Variants in SOX5 observed in about 807,000 individuals in gnomAD.
SOX5 encodes the protein transcription factor SOX-5.
Under a neutral mutation model 92.0 loss-of-function variants are expected in SOX5, and 9 were observed. The ratio of observed to expected loss-of-function variants is 0.10; its 90% CI spans 0.06 to 0.17. The LOEUF (loss-of-function observed/expected upper bound fraction) is 0.17. Among genes scored for constraint, SOX5 ranks in the 10% least tolerant of loss-of-function variants. The probability of loss-of-function intolerance (pLI) is 1.00; values close to 1 mark genes in which losing one functional copy is unlikely to be tolerated. For missense variants in SOX5, 642 were observed against 944.5 expected, an observed-to-expected ratio of 0.68 and a Z score of 4.20; for synonymous variants, 344 against 336.3, an observed-to-expected ratio of 1.02 and a Z score of -0.25.
rs73282003 is a variant in SOX5 at position 23,694,113 on chromosome 12, C to T, written c.811-28549G>A. ...TTTGCTCCCATGATTATGTTTGAGA[C>T]GTCTATTTTTAGTCTACTTGTGAGA... On this transcript the variant is annotated intron_variant, in intron 6 of 14. Coordinates refer to ENST00000451604, the MANE Select transcript of SOX5 (RefSeq NM_006940.6). Among the ~76,000 whole-genome samples, 193 of 152,204 alleles carry T rather than the reference C, an allele frequency of 1.3e-3. 1 individual carries two copies. Among genetic ancestry groups the T allele is most frequent in the African/African-American group, 4.0e-3 (166 of 41,540 alleles).
chr12:23,654,920 G>A (rs886655136), intron 7 of SOX5, among the ~76,000 whole-genome samples: 2 of 151,988 alleles, frequency 1.3e-5, no homozygotes, highest in Non-Finnish European at 2.9e-5. Flanking sequence ...TAAGGTAATT[G>A]TTAGTTCTTA....
chr12:23,603,948 C>T (rs922492816), intron 9 of SOX5: 3 of 158,208 alleles, frequency 1.9e-5, no homozygotes, highest in African/African-American at 7.2e-5. Context: ...TTTCAGTTTT[C>T]CCTTCTCTGG....
intron 3 of SOX5, among the ~76,000 whole-genome samples, chr12:24,274,296 A>T (rs1944155032): frequency 6.6e-6 from 1 of 152,124 alleles, no homozygotes; most frequent in South Asian, 2.1e-4. Flanking sequence ...AGATTATGTT[A>T]TTAGGGGCAT....
At chr12:23,823,581 C>T (rs1016169091) in intron 3 of SOX5, among the ~76,000 whole-genome samples, 7 of 152,134 alleles carry the variant, frequency 4.6e-5, no homozygotes, top group African/African-American at 1.4e-4. Flanking sequence ...ATGAATCTGA[C>T]GATTACGTGT....
chr12:23,687,715 TA>T (rs2087863128), intron 6 of SOX5, among the ~76,000 whole-genome samples: 1 of 152,024 alleles, frequency 6.6e-6, no homozygotes, highest in Non-Finnish European at 1.5e-5. Flanking sequence ...CCATATCCAG[TA>T]AAACTACCTA....
At chr12:24,442,358 C>G (rs1348877293) in intron 1 of SOX5, among the ~76,000 whole-genome samples, 3 of 152,094 alleles carry the variant, frequency 2.0e-5, no homozygotes, top group Admixed American at 2.0e-4. Flanking sequence ...CGTTAGTGGA[C>G]AGAACATGCA....
intron 3 of SOX5, among the ~76,000 whole-genome samples, chr12:24,239,621 A>G (rs1460905200): frequency 6.6e-6 from 1 of 152,196 alleles, no homozygotes; most frequent in Non-Finnish European, 1.5e-5. Context: ...TGGAGCTACA[A>G]TTATCTGGTC....
intron 7 of SOX5, among the ~76,000 whole-genome samples, chr12:23,647,532 C>T (rs1300208076): frequency 1.3e-4 from 20 of 152,154 alleles, no homozygotes; most frequent in Admixed American, 1.3e-3. Context: ...TTCTGGATGG[C>T]ATCTTCTTCC....
intron 3 of SOX5, among the ~76,000 whole-genome samples, chr12:23,763,190 ACCTGC>A (rs1483466866): frequency 1.3e-5 from 2 of 152,226 alleles, no homozygotes; most frequent in Admixed American, 6.5e-5. Flanking sequence ...CCATTCACTT[ACCTGC>A]AAAAGAGGCT....
chr12:23,881,575 T>G (rs527853579), intron 2 of SOX5, among the ~76,000 whole-genome samples: 26 of 152,308 alleles, frequency 1.7e-4, no homozygotes, highest in East Asian at 7.7e-4. Flanking sequence ...TCGTGTTAAG[T>G]TGTCAAGGGG....
chr12:24,411,693 C>G (rs1964112638), intron 1 of SOX5, among the ~76,000 whole-genome samples: 1 of 152,096 alleles, frequency 6.6e-6, no homozygotes, highest in Non-Finnish European at 1.5e-5. Flanking sequence ...GTTCTTTTTA[C>G]ATATTGTTGA....
At chr12:23,964,062 G>A (rs1014289726) in intron 4 of SOX5, among the ~76,000 whole-genome samples, 2 of 151,766 alleles carry the variant, frequency 1.3e-5, no homozygotes, top group Non-Finnish European at 2.9e-5. Context: ...GTGTTTGTGT[G>A]GAAAAGGTGG....
chr12:24,069,854 G>T (rs1452831769), intron 4 of SOX5, among the ~76,000 whole-genome samples: 1 of 152,110 alleles, frequency 6.6e-6, no homozygotes, highest in Admixed American at 6.5e-5. Context: ...AGACAATCTG[G>T]AGTCCATTCA....
At chr12:23,603,623 C>A (rs1365229669) in intron 9 of SOX5, among the ~76,000 whole-genome samples, 1 of 151,512 alleles carries the variant, frequency 6.6e-6, no homozygotes, top group Non-Finnish European at 1.5e-5. Flanking sequence ...TATACAATAT[C>A]ATTTAAGCAA....
intron 2 of SOX5, among the ~76,000 whole-genome samples, chr12:24,347,668 C>A (rs2141130120): frequency 6.6e-6 from 1 of 152,222 alleles, no homozygotes; most frequent in Middle Eastern, 3.4e-3. Flanking sequence ...TAAAAACATA[C>A]TTAAGAAAAT....
intron 4 of SOX5, among the ~76,000 whole-genome samples, chr12:24,178,244 CTTTTTT>C (rs5797065): frequency 2.7e-4 from 30 of 109,554 alleles, no homozygotes; most frequent in Admixed American, 1.1e-3. Context: ...AAGAGCTTGA[CTTTTTT>C]TTTTTTTTTT....
chr12:24,098,447 G>C (rs1569541857), intron 4 of SOX5, among the ~76,000 whole-genome samples: 1 of 152,026 alleles, frequency 6.6e-6, no homozygotes, highest in Non-Finnish European at 1.5e-5. Context: ...GTATCAAGTT[G>C]ACCCTTTAAC....
chr12:24,251,565 G>T (rs1204679313), intron 3 of SOX5, among the ~76,000 whole-genome samples: 2 of 143,466 alleles, frequency 1.4e-5, no homozygotes, highest in Non-Finnish European at 3.1e-5. Flanking sequence ...GATGGTTAGG[G>T]TTTTTTGTTT....
In SOX5 at chr12:23,867,421, T is replaced by C. The variant is rs111863959; in HGVS notation, c.271-21228A>G. Among the ~76,000 whole-genome samples, 946 of 152,272 alleles carry C rather than the reference T, an allele frequency of 6.2e-3. 9 individuals are homozygous for C. Among genetic ancestry groups the C allele is most frequent in the African/African-American group, 0.022 (904 of 41,560 alleles). Reference sequence around the variant, plus strand: ...TTGATCTTAGGCAAGTCTCTTATCCTGTCTGAACTTTAATTTTCCTATCTC... The same window carrying C: ...TTGATCTTAGGCAAGTCTCTTATCCCGTCTGAACTTTAATTTTCCTATCTC... On this transcript the variant is annotated intron_variant, in intron 2 of 14. Coordinates refer to ENST00000451604, the MANE Select transcript of SOX5 (RefSeq NM_006940.6).
Sources: gnomAD v4.1 joint callset for allele counts (sites outside exome capture counted in the v4.1 genomes callset) on GRCh38, gnomAD v4.1.1 for gene constraint, MANE v1.5 for transcripts, NCBI Gene and HGNC (gene_info 2026-07-23, HGNC 2026-07-21) for gene names.